MMP17: variants seen among roughly 807,000 people sequenced by gnomAD.
MMP17 encodes the protein matrix metallopeptidase 17.
In MMP17, 54 loss-of-function variants were observed where a neutral mutation model predicts 49.1. The observed-to-expected ratio is 1.10, with a 90% confidence interval of 0.88 to 1.38. The LOEUF (loss-of-function observed/expected upper bound fraction) is 1.38, where lower values mean the gene tolerates loss of function less well. Ranked by LOEUF, MMP17 falls within the 40% of genes most tolerant of loss-of-function variation. The pLI, the probability that MMP17 is intolerant of heterozygous loss-of-function variation, is 0.00. For synonymous variants in MMP17, 397 were observed against 383.1 expected (o/e 1.04, Z -0.42); for missense variants, 837 against 853.7 (o/e 0.98, Z 0.24).
intron 4 of MMP17, 105 bp downstream of exon 4, chr12:131,840,961 A>T (rs907646388): frequency 7.6e-7 from 1 of 1,313,712 alleles, no homozygotes; most frequent in Admixed American, 2.8e-5. Context: ...CTGAAAACAC[A>T]CGCGGCTGCT....
intron 1 of MMP17, among the ~76,000 whole-genome samples, chr12:131,835,119 C>G (rs373167784): frequency 6.6e-6 from 1 of 152,210 alleles, no homozygotes; most frequent in Admixed American, 6.5e-5. Flanking sequence ...AAGACGGCCC[C>G]TCCCAGGATG....
At chr12:131,831,768 C>G (rs891519651) in intron 1 of MMP17, among the ~76,000 whole-genome samples, 2 of 126,664 alleles carry the variant, frequency 1.6e-5, no homozygotes, top group Non-Finnish European at 3.2e-5. Flanking sequence ...GGCTGCCGTG[C>G]GATCAGCGGA....
At chr12:131,847,132 G>A (rs1280586746) in intron 8 of MMP17, among the ~76,000 whole-genome samples, 1 of 148,722 alleles carries the variant, frequency 6.7e-6, no homozygotes, top group East Asian at 2.0e-4. Context: ...AAACCAAAAT[G>A]TCACGCGCAG....
chr12:131,835,487 A>G (rs990703135), intron 1 of MMP17, among the ~76,000 whole-genome samples: 1 of 152,218 alleles, frequency 6.6e-6, no homozygotes, highest in African/African-American at 2.4e-5. Context: ...CAGGCTGCCC[A>G]GCTCCCTGGG....
At chr12:131,849,659 G>A (rs1196506105) in intron 8 of MMP17, 143 bp from the exon 9 acceptor site, 1 of 861,388 alleles carries the variant, frequency 1.2e-6, no homozygotes, top group Non-Finnish European at 1.8e-6. Flanking sequence ...GATGTGGGGT[G>A]ATTGCAGTGT....
At chr12:131,843,637 G>A (rs1462344974) in intron 5 of MMP17, among the ~76,000 whole-genome samples, 1 of 152,200 alleles carries the variant, frequency 6.6e-6, no homozygotes, top group Non-Finnish European at 1.5e-5. Flanking sequence ...GAATAGTTTT[G>A]TCATCATGCA....
rs150355549 is a variant in MMP17, at chr12:131,840,835, G to C, written c.685G>C (p.Ala229Pro). ...GGACACCCACTTTGACGATGACGAG[G>C]CCTGGACCTTCCGCTCCTCGGGTGC... ...AGDTHFDDDE[A>P]WTFRSSDAHG... Residue 229 changes from alanine to proline, a missense_variant, in exon 4 of 10, where the codon GCC (alanine) becomes CCC (proline). Transcript: ENST00000360564. 2.5e-5 allele frequency: 40 copies of C among 1,603,204 alleles called. No homozygotes were observed. Among genetic ancestry groups the C allele is most frequent in the Middle Eastern group, 3.3e-4 (2 of 6,044 alleles).
intron 8 of MMP17, among the ~76,000 whole-genome samples, chr12:131,848,096 A>AT (rs1377668275): frequency 6.6e-6 from 1 of 151,604 alleles, no homozygotes; most frequent in Non-Finnish European, 1.5e-5. Flanking sequence ...ATTTTACTGT[A>AT]TTTTTTTGAG....
rs570709629 is a variant in MMP17 at position 131,829,441 on chromosome 12, C to A, written c.159+788C>A. Among the ~76,000 whole-genome samples, 25 of 152,346 alleles carry A rather than the reference C, an allele frequency of 1.6e-4. No individual in the cohort carries two copies. The East Asian group carries it at 3.7e-3, about 22-fold the overall frequency. Reference sequence around the variant, plus strand: ...GTGGACCCGGAAGATTTAGAGCACACGTCGTGGGGTCAGCGCCCCCCCGCT... The same window carrying A: ...GTGGACCCGGAAGATTTAGAGCACAAGTCGTGGGGTCAGCGCCCCCCCGCT... On this transcript the variant is annotated intron_variant, in intron 1 of 9. Transcript: ENST00000360564.
Position 131,846,696 on chromosome 12 carries a change from A to G in MMP17, c.1204+1247A>G, listed in dbSNP as rs1227886038. Among the ~76,000 whole-genome samples the G allele has an allele frequency of 6.6e-6, 1 of 152,064 alleles. No homozygotes were observed. The highest frequency in any genetic ancestry group is 1.5e-5 in the Non-Finnish European group (1 of 68,012). On this transcript the variant is annotated intron_variant, in intron 8 of 9. Coordinates refer to ENST00000360564, the MANE Select transcript of MMP17 (RefSeq NM_016155.7). This position sits in a 1 kb window ranked among gnomAD's most constrained non-coding sequence, Gnocchi z 4.6. Reference sequence around the variant, plus strand: ...GGCCTGCCTAATCCCATCTTAACTCATCTTAACTAACACATCTGCAAAGAC... The same window carrying G: ...GGCCTGCCTAATCCCATCTTAACTCGTCTTAACTAACACATCTGCAAAGAC...
At chr12:131,835,699 C>T (rs1887051016) in intron 1 of MMP17, among the ~76,000 whole-genome samples, 1 of 152,206 alleles carries the variant, frequency 6.6e-6, no homozygotes, top group Non-Finnish European at 1.5e-5. Context: ...TGTGTGGACC[C>T]TTCCCTGGTG....
At position 131,851,465 on chromosome 12, in the gene MMP17, C is replaced by T. The variant is rs995602790; in HGVS notation, c.*191C>T. The T allele has an allele frequency of 5.1e-5, 23 of 452,152 alleles. No homozygotes were observed. The highest frequency in any genetic ancestry group is 7.0e-5 in the Non-Finnish European group (19 of 270,584). The allele number at this position is 452,152 out of a possible 1,614,324, so 28.0% of individuals were successfully genotyped here. ...TCAGGTGGCAAGGACGGAGCTGTCC[C>T]CTAGTGAGGGACTGTGTTGACTGAC... On this transcript the variant is annotated 3_prime_UTR_variant, in exon 10 of 10. Transcript: ENST00000360564.
chr12:131,843,246 G>A (rs929070585), intron 5 of MMP17, among the ~76,000 whole-genome samples: 4 of 150,112 alleles, frequency 2.7e-5, no homozygotes, highest in African/African-American at 4.9e-5. Context: ...GATTATAGGC[G>A]TGAGCCACCG....
At position 131,845,309 on chromosome 12, in the gene MMP17, G is replaced by T. The variant is rs200064762; in HGVS notation, c.1064G>T (p.Trp355Leu). 1 of 1,607,724 alleles carries T rather than the reference G, an allele frequency of 6.2e-7. No individual in the cohort carries two copies. Among genetic ancestry groups the T allele is most frequent in the Non-Finnish European group, 8.5e-7 (1 of 1,175,754 alleles). ...EAFFFKGKYF[W>L]RLTRDRHLVS... is the part of the protein sequence containing the mutation. ...TCTGTGCCCCCAGGCAAGTACTTCT[G>T]GCGGCTGACGCGGGACCGGCACCTG... Residue 355 changes from tryptophan to leucine, a missense_variant, in exon 8 of 10, where the codon TGG becomes TTG. Trp to Leu is a moderately conservative substitution (Grantham distance 61, BLOSUM62 -2). Transcript: ENST00000360564.
At chr12:131,845,769 T>C (rs1305878966) in intron 8 of MMP17, among the ~76,000 whole-genome samples, 1 of 151,868 alleles carries the variant, frequency 6.6e-6, no homozygotes, top group Admixed American at 6.6e-5. Context: ...TGAAGGACAA[T>C]GGGGAGAGGT....
Position 131,838,693 on chromosome 12 carries a change from G to A in MMP17, c.374G>A (p.Arg125His), listed in dbSNP as rs546363761. The change falls in exon 3 of 10, where the codon CGC becomes CAC. Residue 125 changes from arginine (R) to histidine (H), a missense_variant. Transcript: ENST00000360564. ...LPVLTQARRR[R>H]QAPAPTKWNK... is the part of the protein sequence containing the mutation. ...GTCCTGACCCAGGCTCGCAGGAGAC[G>A]CCAGGCTCCAGCCCCCACCAAGTGG... 1.2e-5 allele frequency: 20 copies of A among 1,605,106 alleles called. No homozygotes were observed. The highest frequency in any genetic ancestry group is 8.9e-5 in the South Asian group (8 of 89,664).
chr12:131,850,130 GC>G, intron 9 of MMP17, 71 bp downstream of exon 9: 1 of 1,488,156 alleles, frequency 6.7e-7, no homozygotes, highest in Non-Finnish European at 9.0e-7. Flanking sequence ...TCACTACAGG[GC>G]AGCCAAGAGG....
At position 131,834,324 on chromosome 12, in the gene MMP17, C is replaced by T. The variant is rs539502535; in HGVS notation, c.160-3871C>T. Among the ~76,000 whole-genome samples the T allele has an allele frequency of 7.9e-4, 120 of 152,054 alleles. 1 individual carries two copies. Among genetic ancestry groups the T allele is most frequent in the African/African-American group, 2.8e-3 (118 of 41,544 alleles). ...GCCCCTCCCCCTCCCCAGTGGCCTTCTGGAAGGTTCACCCTGCTGCTGCTG... is the reference window on the plus strand; with the variant it reads ...GCCCCTCCCCCTCCCCAGTGGCCTTTTGGAAGGTTCACCCTGCTGCTGCTG... On this transcript the variant is annotated intron_variant, in intron 1 of 9. Transcript: ENST00000360564.
intron 4 of MMP17, 81 bp from the exon 5 acceptor site, chr12:131,841,543 C>T: frequency 2.1e-6 from 3 of 1,452,870 alleles, no homozygotes; most frequent in South Asian, 1.2e-5. Flanking sequence ...CACCCCAGAG[C>T]ATGGTGGGGG....
Sources: allele counts gnomAD v4.1 joint callset (sites outside exome capture counted in the v4.1 genomes callset), GRCh38; gene constraint gnomAD v4.1.1; non-coding constraint Gnocchi (gnomAD v3.1); transcripts MANE v1.5; gene names NCBI Gene and HGNC (gene_info 2026-07-23, HGNC 2026-07-21).